SBF2: variants seen among roughly 807,000 people sequenced by gnomAD.
SBF2 encodes myotubularin-related protein 13.
A neutral mutation model predicts 225.2 loss-of-function variants in SBF2; 112 were observed. The observed-to-expected ratio is 0.50, with a 90% CI of 0.43 to 0.58. SBF2 has a LOEUF of 0.58. Ranked by LOEUF, SBF2 falls within the 20% of genes least tolerant of loss-of-function variation. The pLI, the probability that SBF2 is intolerant of heterozygous loss-of-function variation, is 0.00. For missense variants in SBF2, 1,996 were observed against 2,206.2 expected (o/e 0.90, Z 1.91); for synonymous variants, 763 against 773.3 (o/e 0.99, Z 0.22).
At chr11:10,259,727 TAG>T (rs1299290504) in intron 1 of SBF2, among the ~76,000 whole-genome samples, 8 of 152,172 alleles carry the variant, frequency 5.3e-5, no homozygotes, top group African/African-American at 1.9e-4. Flanking sequence ...TCAACATTTT[TAG>T]AGATTCCGAA....
At chr11:10,114,987 G>A (rs1953061519) in intron 2 of SBF2, among the ~76,000 whole-genome samples, 1 of 152,162 alleles carries the variant, frequency 6.6e-6, no homozygotes, top group Non-Finnish European at 1.5e-5. Flanking sequence ...GCTTCAGCCA[G>A]GCTCCAGGAG....
chr11:9,853,460 A>G, intron 20 of SBF2, 80 bp downstream of exon 20: 1 of 1,201,518 alleles, frequency 8.3e-7, no homozygotes, highest in Non-Finnish European at 1.2e-6. Context: ...ACTATAATGG[A>G]AGACATGTAT....
chr11:9,974,032 T>TA lies in SBF2; in HGVS notation c.1396-5488dup, dbSNP rs145221854. Among the ~76,000 whole-genome samples, 597 of 152,240 alleles carry TA rather than the reference T, an allele frequency of 3.9e-3. 3 individuals carry two copies. Among genetic ancestry groups the TA allele is most frequent in the Middle Eastern group, 0.027 (8 of 294 alleles). On this transcript the variant is annotated intron_variant, in intron 13 of 39. Coordinates refer to ENST00000256190, the MANE Select transcript of SBF2 (RefSeq NM_030962.4). ...GTTGATGGCAATACTGTCACTGGAG[T>TA]AAATTGTTAAACATTGTCAAAACGT...
intron 6 of SBF2, among the ~76,000 whole-genome samples, chr11:10,014,859 G>A (rs1315072405): frequency 2.6e-5 from 4 of 152,142 alleles, no homozygotes; most frequent in Non-Finnish European, 5.9e-5. Flanking sequence ...GCCTGGTGCA[G>A]TGGCTCATGC....
intron 12 of SBF2, among the ~76,000 whole-genome samples, chr11:9,991,398 C>A (rs896681671): frequency 6.6e-6 from 1 of 152,112 alleles, no homozygotes; most frequent in East Asian, 1.9e-4. Context: ...AATAAAAGAT[C>A]CTTCTCCTCT....
rs947642808 is a variant in SBF2 at position 10,303,505 on chromosome 11, G to A, written n.386+987C>T. 3 of 152,336 alleles carry A rather than the reference G, an allele frequency of 2.0e-5. No individual in the cohort carries two copies. The highest frequency in any genetic ancestry group is 7.2e-5 in the African/African-American group (3 of 41,466). The allele number at this position is 152,336 out of a possible 1,614,324, so 9.4% of individuals were successfully genotyped here. On this transcript the variant is annotated intron_variant and non_coding_transcript_variant, in intron 1 of 5. Transcript: ENST00000685217. This position sits in a 1 kb window ranked among gnomAD's most constrained non-coding sequence, Gnocchi z 5.2. ...ACAGACCACTCTGGGCAAGGTCCGC[G>A]CGACCCACTGCCCAGCCGCCTTTGC...
intron 1 of SBF2, among the ~76,000 whole-genome samples, chr11:10,288,343 T>C (rs544376047): frequency 9.5e-4 from 145 of 152,288 alleles, no homozygotes; most frequent in Non-Finnish European, 1.1e-3. Context: ...TACTGAGCAA[T>C]AGAACAGCTC....
chr11:9,780,365 C>G lies in SBF2; in HGVS notation c.*53G>C, dbSNP rs949902695. The G allele has an allele frequency of 1.4e-6, 2 of 1,462,464 alleles. No homozygotes were observed. Among genetic ancestry groups the G allele is most frequent in the Non-Finnish European group, 1.9e-6 (2 of 1,046,210 alleles). The allele number at this position is 1,462,464 out of a possible 1,614,324, so 90.6% of individuals were successfully genotyped here. A position where few individuals can be genotyped will look rare whatever the true frequency, so the allele number is the denominator to read the frequency against. On this transcript the variant is annotated 3_prime_UTR_variant, in exon 40 of 40. Transcript: ENST00000256190. The stretch of plus-strand genomic sequence containing the variant: ...CAAGGATCCATGCTTCTTTTTCTAT[C>G]TATCTGGCAGCATGAGTTCTTCTGT...
At chr11:10,059,138 G>T (rs961036574) in intron 2 of SBF2, among the ~76,000 whole-genome samples, 1 of 152,116 alleles carries the variant, frequency 6.6e-6, no homozygotes, top group East Asian at 1.9e-4. Context: ...TACAATGACA[G>T]GATCAAATCC....
chr11:9,968,508 G>A lies in SBF2; in HGVS notation c.1433C>T (p.Pro478Leu). The change falls in exon 14 of 40, where the codon CCA becomes CTA. Residue 478 changes from proline (P) to leucine (L), a missense_variant. Coordinates refer to ENST00000256190, the MANE Select transcript of SBF2 (RefSeq NM_030962.4). ...CAAATGGGATCCTTCTGTTGGCCGT[G>A]GAACTTTCTGGAATGCCATATGAGG... Reference protein sequence around the residue: ...PNPHMAFQKVPRPTEGSHLRV... With the variant: ...PNPHMAFQKVLRPTEGSHLRV... 1.9e-6 allele frequency: 3 copies of A among 1,613,964 alleles called. No homozygotes were observed. The highest frequency in any genetic ancestry group is 2.5e-6 in the Non-Finnish European group (3 of 1,179,944).
chr11:10,066,219 T>C (rs1950618686), intron 2 of SBF2, among the ~76,000 whole-genome samples: 1 of 151,992 alleles, frequency 6.6e-6, no homozygotes, highest in Non-Finnish European at 1.5e-5. Context: ...TTCCAACCCA[T>C]TTTATAAGGC....
intron 16 of SBF2, among the ~76,000 whole-genome samples, chr11:9,933,541 A>C (rs1864657973): frequency 6.6e-6 from 1 of 152,222 alleles, no homozygotes; most frequent in South Asian, 2.1e-4. Flanking sequence ...AAACTGAACA[A>C]AGTGCTCCTG....
chr11:10,263,532 A>C (rs139601345), intron 1 of SBF2, among the ~76,000 whole-genome samples: 374 of 152,272 alleles, frequency 2.5e-3, no homozygotes, highest in African/African-American at 8.5e-3. Flanking sequence ...GACATGCAGT[A>C]ACTTCTACTA....
Position 9,896,585 on chromosome 11 carries a change from A to G in SBF2, c.1861-574T>C, listed in dbSNP as rs186800042. Among the ~76,000 whole-genome samples, 164 of 152,244 alleles carry G rather than the reference A, an allele frequency of 1.1e-3. 1 individual carries two copies. Among genetic ancestry groups the G allele is most frequent in the African/African-American group, 3.6e-3 (149 of 41,550 alleles). On this transcript the variant is annotated intron_variant, in intron 16 of 39. Coordinates refer to ENST00000256190, the MANE Select transcript of SBF2 (RefSeq NM_030962.4). ...GGCGGGCAGATCACCTGAGGTCAGG[A>G]GTTCGAGACCAGCCTGGCCAACATG... is the stretch of plus-strand genomic sequence containing the variant.
chr11:10,195,205 C>T (rs185820937), intron 1 of SBF2, among the ~76,000 whole-genome samples: 18 of 152,220 alleles, frequency 1.2e-4, no homozygotes, highest in African/African-American at 4.3e-4. Flanking sequence ...GTCTCAATTC[C>T]TAGATTCCAG....
intron 16 of SBF2, among the ~76,000 whole-genome samples, chr11:9,918,226 T>G (rs1417173020): frequency 6.6e-6 from 1 of 152,208 alleles, no homozygotes; most frequent in African/African-American, 2.4e-5. Flanking sequence ...GGCTATAACC[T>G]TTACTCCTAT....
Position 9,845,638 on chromosome 11 carries a change from AGGT to A in SBF2, c.3034_3036del (p.Thr1012del). 1 of 1,613,954 alleles carries A rather than the reference AGGT, an allele frequency of 6.2e-7. No homozygotes were observed. The highest frequency in any genetic ancestry group is 8.5e-7 in the Non-Finnish European group (1 of 1,179,814). On this transcript the variant is annotated inframe_deletion, in exon 24 of 40. Coordinates refer to ENST00000256190, the MANE Select transcript of SBF2 (RefSeq NM_030962.4). Reference sequence around the variant, plus strand: ...GTAGTTTGTCCAGCAGCAAAAGCAAAGGTACTGAAAATGGACTGAGGATAACGG... The same window carrying A: ...GTAGTTTGTCCAGCAGCAAAAGCAAAACTGAAAATGGACTGAGGATAACGG...
chr11:10,020,270 C>A (rs1948800078), intron 6 of SBF2, among the ~76,000 whole-genome samples: 2 of 151,998 alleles, frequency 1.3e-5, no homozygotes, highest in Admixed American at 1.3e-4. Flanking sequence ...GCTATATGAC[C>A]TTCCTCTAGG....
chr11:10,196,868 T>TA (rs1565345295), intron 1 of SBF2, among the ~76,000 whole-genome samples: 2 of 100,236 alleles, frequency 2.0e-5, no homozygotes, highest in African/African-American at 7.8e-5. Context: ...ATATATATAT[T>TA]TTTTTTTTCC....
Sources: gnomAD v4.1 joint callset for allele counts (sites outside exome capture counted in the v4.1 genomes callset) on GRCh38, gnomAD v4.1.1 for gene constraint, Gnocchi (gnomAD v3.1) non-coding constraint, MANE v1.5 for transcripts, NCBI Gene and HGNC (gene_info 2026-07-23, HGNC 2026-07-21) for gene names.